The following MTMR8 variants were observed in gnomAD, a reference collection of about 807,000 sequenced individuals.
MTMR8 encodes the protein phosphatidylinositol-3,5-bisphosphate 3-phosphatase MTMR8.
Under a neutral mutation model 39.3 loss-of-function variants are expected in MTMR8, and 65 were observed. That is an observed-to-expected ratio of 1.65 (90% CI 1.35 to 2.03). The LOEUF (loss-of-function observed/expected upper bound fraction) is 2.03. Ranked by LOEUF, MTMR8 falls within the 30% of genes most tolerant of loss-of-function variation. MTMR8 has a pLI of 0.00. For missense variants in MTMR8, 777 were observed against 538.9 expected (o/e 1.44, Z -4.37); for synonymous variants, 245 against 185.2 (o/e 1.32, Z -2.62).
chrX:64,320,653 G>A (rs949507781), intron 12 of MTMR8, among the ~76,000 whole-genome samples: 3 of 109,982 alleles, frequency 2.7e-5, no homozygotes, highest in African/African-American at 1.0e-4. Context: ...GAAGGAAAAG[G>A]CTGGGGAAGC....
chrX:64,300,374 T>C (rs1309900552), intron 12 of MTMR8, among the ~76,000 whole-genome samples: 1 of 111,621 alleles, frequency 9.0e-6, no homozygotes, highest in East Asian at 2.8e-4. Flanking sequence ...TTAAAGTCTG[T>C]TTTATCAGAC....
chrX:64,358,856 C>CACAT (rs1189272704), intron 2 of MTMR8, among the ~76,000 whole-genome samples: 2 of 108,897 alleles, frequency 1.8e-5, no homozygotes, highest in African/African-American at 6.8e-5. Context: ...CACACACACA[C>CACAT]ACACACACAC....
intron 12 of MTMR8, among the ~76,000 whole-genome samples, chrX:64,302,571 C>T (rs370484038): frequency 1.8e-5 from 2 of 112,273 alleles, no homozygotes; most frequent in Non-Finnish European, 3.8e-5. Flanking sequence ...TGTTCCTATT[C>T]GGCCATCTTG....
intron 12 of MTMR8, chrX:64,306,109 GA>G (rs201133736): frequency 1.6e-3 from 339 of 208,381 alleles, no homozygotes; most frequent in Middle Eastern, 4.5e-3. Context: ...CCCTATCACA[GA>G]AAAAAAAAAT....
intron 12 of MTMR8, among the ~76,000 whole-genome samples, chrX:64,313,549 A>G (rs6524875): frequency 0.084 from 9,396 of 112,310 alleles, 1,005 homozygotes; most frequent in African/African-American, 0.29. Context: ...GTTTGGTGCA[A>G]GAGCCCTAGC....
intron 1 of MTMR8, among the ~76,000 whole-genome samples, chrX:64,388,759 G>A (rs1469407735): frequency 8.9e-6 from 1 of 112,507 alleles, no homozygotes; most frequent in Admixed American, 9.4e-5. Flanking sequence ...GGTCAGCATA[G>A]GGGAACACTG....
intron 12 of MTMR8, among the ~76,000 whole-genome samples, chrX:64,313,114 A>C (rs1276746348): frequency 8.9e-6 from 1 of 112,347 alleles, no homozygotes; most frequent in Non-Finnish European, 1.9e-5. Context: ...GTCCTTTGGA[A>C]ATTTGAAGCC....
chrX:64,283,953 A>G (rs1921055307), intron 12 of MTMR8, among the ~76,000 whole-genome samples: 1 of 112,545 alleles, frequency 8.9e-6, no homozygotes, highest in South Asian at 3.7e-4. Context: ...CCTCAACAGC[A>G]ATGGAACAAA....
chrX:64,331,307 A>G (rs1161004352), intron 11 of MTMR8: 3 of 370,436 alleles, frequency 8.1e-6, no homozygotes, highest in Admixed American at 4.4e-5. Context: ...TTGTACATCC[A>G]TTATTTTACT....
chrX:64,324,750 G>C (rs754626888), intron 12 of MTMR8, among the ~76,000 whole-genome samples: 4 of 96,077 alleles, frequency 4.2e-5, no homozygotes, highest in African/African-American at 1.7e-4. Context: ...ATCTCCCTTC[G>C]CTGACTCTCT....
At chrX:64,342,010 G>A (rs988762839) in intron 8 of MTMR8, among the ~76,000 whole-genome samples, 6 of 112,231 alleles carry the variant, frequency 5.3e-5, no homozygotes, top group Admixed American at 3.8e-4. Context: ...GTCCACTACA[G>A]CCAAGCTGGG....
chrX:64,357,141 C>A (rs1923647059), intron 2 of MTMR8, among the ~76,000 whole-genome samples: 1 of 111,689 alleles, frequency 9.0e-6, no homozygotes, highest in African/African-American at 3.3e-5. Flanking sequence ...ATTCAAAAAG[C>A]CATATAATCA....
At chrX:64,374,100 G>A (rs1343140415) in intron 1 of MTMR8, among the ~76,000 whole-genome samples, 1 of 111,797 alleles carries the variant, frequency 8.9e-6, no homozygotes, top group Non-Finnish European at 1.9e-5. Flanking sequence ...AAAGTAGAAT[G>A]TATGAGACAT....
intron 13 of MTMR8, among the ~76,000 whole-genome samples, chrX:64,270,207 C>A (rs1177982491): frequency 9.0e-6 from 1 of 111,491 alleles, no homozygotes; most frequent in Non-Finnish European, 1.9e-5. Context: ...CCCAAGAGGA[C>A]ATTAAAAAGT....
At chrX:64,310,098 C>G (rs1044344688) in intron 12 of MTMR8, among the ~76,000 whole-genome samples, 1 of 111,744 alleles carries the variant, frequency 8.9e-6, no homozygotes, top group South Asian at 3.8e-4. Flanking sequence ...GGCATTTTAC[C>G]CACAGCAGAA....
chrX:64,285,024 T>C (rs189757360), intron 12 of MTMR8, among the ~76,000 whole-genome samples: 1 of 111,867 alleles, frequency 8.9e-6, no homozygotes. Context: ...AGACACAGAC[T>C]GGCAAATTGG....
chrX:64,350,421 A>ATGGGGTTT (rs1182198134), intron 4 of MTMR8, among the ~76,000 whole-genome samples: 1 of 111,394 alleles, frequency 9.0e-6, no homozygotes, highest in Non-Finnish European at 1.9e-5. Context: ...GAATTTCAAC[A>ATGGGGTTT]TGGGGTTTTA....
At chrX:64,340,394 C>T (rs1269314143) in intron 8 of MTMR8, among the ~76,000 whole-genome samples, 2 of 111,335 alleles carry the variant, frequency 1.8e-5, no homozygotes, top group Non-Finnish European at 3.8e-5. Context: ...GACGGCAAGG[C>T]TGTTCCCAAC....
chrX:64,271,615 C>T (rs1172866483), intron 12 of MTMR8, among the ~76,000 whole-genome samples: 1 of 112,362 alleles, frequency 8.9e-6, no homozygotes. Context: ...AGCACAGTGC[C>T]ATAGGATCAG....
Sources: gnomAD v4.1 joint callset for allele counts (sites outside exome capture counted in the v4.1 genomes callset) on GRCh38, gnomAD v4.1.1 for gene constraint, MANE v1.5 for transcripts, NCBI Gene and HGNC (gene_info 2026-07-23, HGNC 2026-07-21) for gene names.